Variants in MAP3K1 observed in about 807,000 individuals in gnomAD.
MAP3K1 encodes the protein mitogen-activated protein kinase kinase kinase 1.
In MAP3K1, 36 loss-of-function variants were observed where a neutral mutation model predicts 144.2. The ratio of observed to expected loss-of-function variants is 0.25; its 90% CI spans 0.19 to 0.33. MAP3K1 has a LOEUF of 0.33. Ranked by LOEUF, MAP3K1 falls within the 10% of genes least tolerant of loss-of-function variation. The probability of loss-of-function intolerance (pLI) is 1.00; values close to 1 mark genes in which losing one functional copy is unlikely to be tolerated. For synonymous variants in MAP3K1, 718 were observed against 688.7 expected (o/e 1.04, Z -0.67); for missense variants, 1,650 against 1,881.9 (o/e 0.88, Z 2.28).
At chr5:56,859,677 T>A (rs752066419) in intron 2 of MAP3K1, 38 bp from the exon 3 acceptor site, 1 of 1,468,360 alleles carries the variant, frequency 6.8e-7, no homozygotes, top group African/African-American at 1.4e-5. Context: ...ACCTTTTATA[T>A]TTTTAAGTAA....
intron 1 of MAP3K1, among the ~76,000 whole-genome samples, chr5:56,839,400 A>G (rs1746744851): frequency 6.6e-6 from 1 of 152,142 alleles, no homozygotes; most frequent in African/African-American, 2.4e-5. Context: ...TGCTAAATTG[A>G]TTTATCCTTG....
intron 2 of MAP3K1, among the ~76,000 whole-genome samples, chr5:56,857,921 C>T (rs1022950122): frequency 6.6e-5 from 10 of 152,208 alleles, no homozygotes; most frequent in Non-Finnish European, 5.9e-5. Context: ...CCTTTCCATA[C>T]CAGCACTTGG....
intron 4 of MAP3K1, 95 bp downstream of exon 4, chr5:56,865,029 AT>A (rs1747635328): frequency 1.0e-5 from 12 of 1,165,906 alleles, no homozygotes; most frequent in African/African-American, 1.5e-5. Context: ...AGATCAATTA[AT>A]TCCCTATAGT....
chr5:56,861,590 A>ACGG (rs1554033753), intron 3 of MAP3K1, among the ~76,000 whole-genome samples: 2 of 134,584 alleles, frequency 1.5e-5, no homozygotes, highest in Non-Finnish European at 1.5e-5. Flanking sequence ...AAAAAAAAAA[A>ACGG]GGGGCTATTA....
chr5:56,894,776 A>G lies in MAP3K1; in HGVS notation c.*1096A>G, dbSNP rs1748653744. On this transcript the variant is annotated 3_prime_UTR_variant, in exon 20 of 20. Transcript: ENST00000399503. ...AGTAGGCCTGGCAGATCATTTTTTA[A>G]AAAGATTATTCAACTACCAATCAGT... 1 of 232,106 alleles carries G rather than the reference A, an allele frequency of 4.3e-6. No homozygotes were observed. The highest frequency in any genetic ancestry group is 1.8e-4 in the South Asian group (1 of 5,522). 14.4% of individuals were successfully genotyped at this position (232,106 alleles called of 1,614,324 possible). A position where few individuals can be genotyped will look rare whatever the true frequency, so the allele number is the denominator to read the frequency against.
intron 1 of MAP3K1, among the ~76,000 whole-genome samples, chr5:56,845,277 C>G (rs1269124559): frequency 6.6e-6 from 1 of 152,236 alleles, no homozygotes; most frequent in Non-Finnish European, 1.5e-5. Flanking sequence ...TATACTCAAA[C>G]TGCACTGCCA....
intron 1 of MAP3K1, among the ~76,000 whole-genome samples, chr5:56,853,914 G>A (rs1747254560): frequency 1.3e-5 from 2 of 152,118 alleles, no homozygotes; most frequent in South Asian, 4.1e-4. Context: ...AACCACTAGA[G>A]CATTTTAATG....
intron 1 of MAP3K1, among the ~76,000 whole-genome samples, chr5:56,845,082 G>A (rs1265953950): frequency 1.3e-5 from 2 of 152,062 alleles, no homozygotes; most frequent in African/African-American, 2.4e-5. Context: ...ACAGTTAAGG[G>A]CTTTTTTAAA....
At chr5:56,840,810 C>T (rs1056315687) in intron 1 of MAP3K1, among the ~76,000 whole-genome samples, 2 of 151,608 alleles carry the variant, frequency 1.3e-5, no homozygotes, top group African/African-American at 2.4e-5. Flanking sequence ...TCATTTCAGG[C>T]TACTACTTTG....
At chr5:56,883,204 T>G (rs1457642488) in intron 14 of MAP3K1, among the ~76,000 whole-genome samples, 2 of 152,184 alleles carry the variant, frequency 1.3e-5, no homozygotes, top group Non-Finnish European at 2.9e-5. Flanking sequence ...GAGAGCTTCC[T>G]TGGACCATAC....
chr5:56,890,092 C>T (rs1311624715), intron 19 of MAP3K1, among the ~76,000 whole-genome samples: 1 of 152,126 alleles, frequency 6.6e-6, no homozygotes, highest in Non-Finnish European at 1.5e-5. Flanking sequence ...TTGTTTCTGA[C>T]ACTTTGTTTC....
At chr5:56,847,942 A>T (rs1252584977) in intron 1 of MAP3K1, among the ~76,000 whole-genome samples, 1 of 152,220 alleles carries the variant, frequency 6.6e-6, no homozygotes, top group Non-Finnish European at 1.5e-5. Flanking sequence ...TCAATAGAGG[A>T]TCAGTTGCTT....
At chr5:56,888,461 T>A in intron 19 of MAP3K1, 104 bp downstream of exon 19, 1 of 965,650 alleles carries the variant, frequency 1.0e-6, no homozygotes, top group Non-Finnish European at 1.6e-6. Flanking sequence ...AGCATGAAGG[T>A]AAATAAATAG....
At position 56,875,140 on chromosome 5, in the gene MAP3K1, A is replaced by G. The variant is rs1386649820; in HGVS notation, c.1795A>G (p.Asn599Asp). Residue 599 changes from asparagine to aspartate, a missense_variant, in exon 10 of 20, where the codon AAT (asparagine) becomes GAT (aspartate). Asn to Asp is a conservative substitution (Grantham distance 23, BLOSUM62 1). This residue lies in a region of MAP3K1 where 841 missense variants were observed against 886.5 expected (regional missense o/e 0.95). Transcript: ENST00000399503. ...TGTCAGTGGGGCCCTGCTGTTGGCA[A>G]ATGGGGAGAGCACTGGAAATTCTGG... ...HDVSGALLLA[N>D]GESTGNSGGS... 1 of 1,614,006 alleles carries G rather than the reference A, an allele frequency of 6.2e-7. No homozygotes were observed. The highest frequency in any genetic ancestry group is 1.3e-5 in the African/African-American group (1 of 74,908).
intron 1 of MAP3K1, among the ~76,000 whole-genome samples, chr5:56,845,952 A>G (rs546668735): frequency 1.3e-5 from 2 of 152,340 alleles, no homozygotes; most frequent in African/African-American, 2.4e-5. Context: ...TTCTCCCCGC[A>G]GGGAGATAGG....
At chr5:56,840,752 A>G (rs909980702) in intron 1 of MAP3K1, among the ~76,000 whole-genome samples, 3 of 152,172 alleles carry the variant, frequency 2.0e-5, no homozygotes, top group Non-Finnish European at 2.9e-5. Context: ...TGGGACGTAA[A>G]AACAACTGGA....
intron 1 of MAP3K1, among the ~76,000 whole-genome samples, chr5:56,820,079 A>AT (rs1199024992): frequency 1.3e-5 from 2 of 152,220 alleles, no homozygotes; most frequent in Non-Finnish European, 2.9e-5. Flanking sequence ...CATTGAGCAT[A>AT]TAGATATGCC....
At chr5:56,884,995 T>C (rs1748337392) in intron 16 of MAP3K1, among the ~76,000 whole-genome samples, 169 bp downstream of exon 16, 1 of 152,226 alleles carries the variant, frequency 6.6e-6, no homozygotes, top group South Asian at 2.1e-4. Context: ...TTGTATTTCA[T>C]TTACTATAAA....
rs1366364596 is a variant in MAP3K1, at chr5:56,815,780, G to A, written c.207G>A (p.Glu69=). Residue 69 remains glutamate (E), a synonymous_variant, in exon 1 of 20, where the codon GAG becomes GAA. Transcript: ENST00000399503. ...AGCTGCGCAAAGTGCGGAGTGTGGA[G>A]CTGGACCAGCTGCCTGAGCAGCCGC... is the stretch of plus-strand genomic sequence containing the variant. ...RRQLRKVRSV[E]LDQLPEQPLF... The A allele has an allele frequency of 4.2e-6, 6 of 1,419,318 alleles. No individual in the cohort carries two copies. Among genetic ancestry groups the A allele is most frequent in the Non-Finnish European group, 5.5e-6 (6 of 1,083,436 alleles). 87.9% of individuals were successfully genotyped at this position (1,419,318 alleles called of 1,614,324 possible). A position where few individuals can be genotyped will look rare whatever the true frequency, so the allele number is the denominator to read the frequency against.
Sources: gnomAD v4.1 joint callset for allele counts (sites outside exome capture counted in the v4.1 genomes callset) on GRCh38, gnomAD v4.1.1 for gene constraint, gnomAD v4.1.1 regional missense constraint, MANE v1.5 for transcripts, NCBI Gene and HGNC (gene_info 2026-07-23, HGNC 2026-07-21) for gene names.